Variants in ZCCHC17 observed in about 807,000 individuals in gnomAD.
ZCCHC17 encodes the protein zinc finger CCHC domain-containing protein 17.
In ZCCHC17, 18 loss-of-function variants were observed where a neutral mutation model predicts 30.6. The ratio of observed to expected loss-of-function variants is 0.59; its 90% CI spans 0.41 to 0.87. The LOEUF (loss-of-function observed/expected upper bound fraction) is 0.87. Ranked by LOEUF, ZCCHC17 falls within the 40% of genes least tolerant of loss-of-function variation. The pLI, the probability that ZCCHC17 is intolerant of heterozygous loss-of-function variation, is 0.00. For synonymous variants in ZCCHC17, 88 were observed against 92.4 expected (o/e 0.95, Z 0.27); for missense variants, 263 against 284.2 (o/e 0.93, Z 0.54).
chr1:31,337,163 T>A lies in ZCCHC17; in HGVS notation c.125-12T>A. 6.2e-7 allele frequency: 1 copy of A among 1,611,580 alleles called. No individual in the cohort carries two copies. Among genetic ancestry groups the A allele is most frequent in the Non-Finnish European group, 8.5e-7 (1 of 1,177,940 alleles). ...CCCTCTGCTTTACGTTATTTCTTCT[T>A]CTTGTGCCCAGGTCTGGTCCATCGA... On this transcript the variant is annotated splice_polypyrimidine_tract_variant and intron_variant, in intron 3 of 7. Coordinates refer to ENST00000344147, the MANE Select transcript of ZCCHC17 (RefSeq NM_016505.4).
chr1:31,347,470 A>T (rs1238817271), intron 6 of ZCCHC17, among the ~76,000 whole-genome samples: 2 of 152,164 alleles, frequency 1.3e-5, no homozygotes, highest in African/African-American at 4.8e-5. Context: ...TATCATTAGC[A>T]TAGAGGGGAG....
intron 3 of ZCCHC17, among the ~76,000 whole-genome samples, chr1:31,328,186 T>C (rs1638434924): frequency 6.6e-6 from 1 of 152,204 alleles, no homozygotes; most frequent in African/African-American, 2.4e-5. Context: ...TGTTATGTTA[T>C]TATTGTTAAT....
At chr1:31,305,394 C>G (rs1409305801) in intron 1 of ZCCHC17, among the ~76,000 whole-genome samples, 1 of 152,134 alleles carries the variant, frequency 6.6e-6, no homozygotes, top group Admixed American at 6.5e-5. Flanking sequence ...ATCCTCCTGC[C>G]TCAGCCTCCT....
intron 2 of ZCCHC17, among the ~76,000 whole-genome samples, chr1:31,314,814 A>T (rs1255941095): frequency 1.3e-5 from 2 of 152,028 alleles, no homozygotes; most frequent in African/African-American, 4.8e-5. Flanking sequence ...TTACAGGCGC[A>T]TGCCACCACA....
In ZCCHC17 at chr1:31,348,984, A is replaced by G; in HGVS notation, c.564+10A>G. ...TAGAAAAAGAAAGAAGGTGAATGCTACTTTGCTTTTATTTTATCATGTCTT... is the reference window on the plus strand; with the variant it reads ...TAGAAAAAGAAAGAAGGTGAATGCTGCTTTGCTTTTATTTTATCATGTCTT... On this transcript the variant is annotated intron_variant, in intron 7 of 7. Transcript: ENST00000344147. 2.6e-6 allele frequency: 4 copies of G among 1,557,996 alleles called. No individual in the cohort carries two copies. Among genetic ancestry groups the G allele is most frequent in the Non-Finnish European group, 3.4e-6 (4 of 1,159,552 alleles).
intron 7 of ZCCHC17, among the ~76,000 whole-genome samples, chr1:31,354,716 T>C (rs545026260): frequency 4.6e-5 from 7 of 152,204 alleles, no homozygotes; most frequent in Non-Finnish European, 8.8e-5. Context: ...TTGAGATATG[T>C]ATTTCAGTTC....
chr1:31,343,922 T>G (rs1639144812), intron 5 of ZCCHC17, among the ~76,000 whole-genome samples: 1 of 145,046 alleles, frequency 6.9e-6, no homozygotes, highest in Non-Finnish European at 1.5e-5. Flanking sequence ...TGGCACGATC[T>G]CGGCTCACTG....
At chr1:31,328,915 C>A (rs1638465818) in intron 3 of ZCCHC17, among the ~76,000 whole-genome samples, 1 of 152,122 alleles carries the variant, frequency 6.6e-6, no homozygotes, top group Non-Finnish European at 1.5e-5. Flanking sequence ...ACCTGTAGTT[C>A]CAGCTACTTG....
chr1:31,321,737 G>A (rs1235618534), intron 3 of ZCCHC17, among the ~76,000 whole-genome samples: 2 of 152,198 alleles, frequency 1.3e-5, no homozygotes, highest in African/African-American at 4.8e-5. Context: ...AGAGTGCTGG[G>A]ATTAAAGGTG....
chr1:31,344,421 A>G (rs1639165296), intron 5 of ZCCHC17, among the ~76,000 whole-genome samples: 1 of 152,228 alleles, frequency 6.6e-6, no homozygotes, highest in East Asian at 1.9e-4. Context: ...GTTTTGGTAT[A>G]CATAATTATT....
intron 4 of ZCCHC17, among the ~76,000 whole-genome samples, chr1:31,337,869 AT>A (rs1407602636): frequency 6.6e-6 from 1 of 152,236 alleles, no homozygotes; most frequent in Non-Finnish European, 1.5e-5. Flanking sequence ...ATTCAACAAT[AT>A]TTAAGTGCTT....
rs145353802 is a variant in ZCCHC17 at position 31,304,720 on chromosome 1, C to T, written c.-55-5324C>T. ...ATGCCATTCTCCTGCCTCAGCCTGC[C>T]GAGTAGCTGGGATTACAGGTGCCCG... On this transcript the variant is annotated intron_variant, in intron 1 of 7. Transcript: ENST00000344147. Among the ~76,000 whole-genome samples the T allele has an allele frequency of 5.5e-4, 83 of 152,032 alleles. No homozygotes were observed. In the East Asian group the frequency reaches 8.9e-3, roughly 16 times the overall value.
chr1:31,341,264 C>T (rs1639038110), intron 5 of ZCCHC17, among the ~76,000 whole-genome samples: 1 of 152,158 alleles, frequency 6.6e-6, no homozygotes, highest in African/African-American at 2.4e-5. Context: ...TCTTTTATAA[C>T]TCAGAGTGCA....
intron 3 of ZCCHC17, among the ~76,000 whole-genome samples, chr1:31,321,479 C>T (rs1221436305): frequency 6.6e-6 from 1 of 152,162 alleles, no homozygotes; most frequent in African/African-American, 2.4e-5. Flanking sequence ...AATACAAAAT[C>T]CTTTTCTTTT....
chr1:31,341,108 TA>T, intron 5 of ZCCHC17, among the ~76,000 whole-genome samples: 1 of 152,230 alleles, frequency 6.6e-6, no homozygotes, highest in Non-Finnish European at 1.5e-5. Context: ...TCTCTGACCT[TA>T]AAGCTAATGC....
chr1:31,331,701 T>C (rs1041040391), intron 3 of ZCCHC17, among the ~76,000 whole-genome samples: 2 of 151,870 alleles, frequency 1.3e-5, no homozygotes, highest in African/African-American at 2.4e-5. Context: ...AACCTCTGCC[T>C]CCCAGGTTCA....
chr1:31,300,653 A>T (rs1365117450), intron 1 of ZCCHC17, among the ~76,000 whole-genome samples: 2 of 152,024 alleles, frequency 1.3e-5, no homozygotes, highest in African/African-American at 4.8e-5. Context: ...AGGGTGGTTT[A>T]GGCCGGGTGC....
At chr1:31,304,464 A>G (rs1015827007) in intron 1 of ZCCHC17, among the ~76,000 whole-genome samples, 6 of 149,378 alleles carry the variant, frequency 4.0e-5, no homozygotes, top group African/African-American at 1.5e-4. Flanking sequence ...TTGTATTTTT[A>G]GTAGAGATGG....
At chr1:31,351,081 C>T (rs1359613729) in intron 7 of ZCCHC17, among the ~76,000 whole-genome samples, 1 of 152,192 alleles carries the variant, frequency 6.6e-6, no homozygotes, top group African/African-American at 2.4e-5. Flanking sequence ...TAAACATACA[C>T]ACACACACTA....
Sources: gnomAD v4.1 joint callset for allele counts (sites outside exome capture counted in the v4.1 genomes callset) on GRCh38, gnomAD v4.1.1 for gene constraint, MANE v1.5 for transcripts, NCBI Gene and HGNC (gene_info 2026-07-23, HGNC 2026-07-21) for gene names.